The following TMEM132D variants were observed in gnomAD, a reference collection of about 807,000 sequenced individuals.
TMEM132D encodes transmembrane protein 132D.
In TMEM132D, 21 loss-of-function variants were observed where a neutral mutation model predicts 62.3. That is an observed-to-expected ratio of 0.34 (90% CI 0.24 to 0.49). TMEM132D has a LOEUF of 0.49. Among genes scored for constraint, TMEM132D ranks in the 20% least tolerant of loss-of-function variants. The pLI, the probability that TMEM132D is intolerant of heterozygous loss-of-function variation, is 0.99. For missense variants in TMEM132D, 1,346 were observed against 1,402.8 expected, an observed-to-expected ratio of 0.96 and a Z score of 0.65; for synonymous variants, 621 against 575.6, an observed-to-expected ratio of 1.08 and a Z score of -1.13.
chr12:129,843,248 A>G (rs980109813), intron 1 of TMEM132D, among the ~76,000 whole-genome samples: 1 of 152,240 alleles, frequency 6.6e-6, no homozygotes, highest in East Asian at 1.9e-4. Flanking sequence ...AAACATTTTA[A>G]TAAAAAAAGA....
intron 3 of TMEM132D, among the ~76,000 whole-genome samples, chr12:129,454,959 C>T (rs1186510780): frequency 6.6e-6 from 1 of 152,196 alleles, no homozygotes; most frequent in African/African-American, 2.4e-5. Context: ...TAACAGTCAA[C>T]CCGAAGAAAG....
At chr12:129,355,372 C>A (rs1177689178) in intron 3 of TMEM132D, among the ~76,000 whole-genome samples, 1 of 151,506 alleles carries the variant, frequency 6.6e-6, no homozygotes, top group Non-Finnish European at 1.5e-5. Flanking sequence ...ACTCTGCAAC[C>A]GCCTACGTGG....
chr12:129,834,205 ACCAGG>A (rs1555234764), intron 1 of TMEM132D, among the ~76,000 whole-genome samples: 3 of 27,584 alleles, frequency 1.1e-4, no homozygotes, highest in African/African-American at 2.2e-4. Flanking sequence ...CCTCCTTTCC[ACCAGG>A]CACTCGGATG....
chr12:129,567,260 A>G (rs1877391489), intron 2 of TMEM132D, among the ~76,000 whole-genome samples: 1 of 152,252 alleles, frequency 6.6e-6, no homozygotes, highest in Non-Finnish European at 1.5e-5. Context: ...AACATTTGGA[A>G]GTGCAACATC....
At chr12:129,639,617 T>C (rs183526138) in intron 2 of TMEM132D, among the ~76,000 whole-genome samples, 2 of 152,120 alleles carry the variant, frequency 1.3e-5, no homozygotes, top group African/African-American at 2.4e-5. Flanking sequence ...CTACAGACCA[T>C]GTCTACACAG....
intron 2 of TMEM132D, among the ~76,000 whole-genome samples, chr12:129,680,631 A>G (rs1880753635): frequency 6.6e-6 from 1 of 152,156 alleles, no homozygotes; most frequent in Admixed American, 6.5e-5. Flanking sequence ...AAACTGTTAT[A>G]CCCTCATAGC....
intron 2 of TMEM132D, among the ~76,000 whole-genome samples, chr12:129,637,925 A>G (rs557761282): frequency 1.3e-5 from 2 of 152,262 alleles, no homozygotes; most frequent in African/African-American, 4.8e-5. Context: ...TAAACCATTC[A>G]TGGAAAATCC....
chr12:129,751,364 G>A (rs1869995355), intron 1 of TMEM132D, among the ~76,000 whole-genome samples: 1 of 152,166 alleles, frequency 6.6e-6, no homozygotes, highest in East Asian at 1.9e-4. Context: ...TCGCTATTAA[G>A]AGAACAGCAA....
chr12:129,309,204 G>A (rs959466619), intron 4 of TMEM132D, among the ~76,000 whole-genome samples: 6 of 152,136 alleles, frequency 3.9e-5, no homozygotes, highest in African/African-American at 1.2e-4. Context: ...ACTCTTCTTA[G>A]GTCCTGTATT....
intron 2 of TMEM132D, among the ~76,000 whole-genome samples, chr12:129,638,566 C>CATATATAAATT (rs1555223115): frequency 9.1e-6 from 1 of 109,752 alleles, no homozygotes; most frequent in Non-Finnish European, 2.0e-5. Context: ...AATATATAAA[C>CATATATAAATT]ATATATAAAT....
intron 3 of TMEM132D, chr12:129,521,499 TATAGAAAATAA>T: frequency 6.6e-6 from 1 of 152,310 alleles, no homozygotes; most frequent in East Asian, 1.9e-4. Flanking sequence ...AGCAAGTTTA[TATAGAAAATAA>T]AAAGAAAATC....
chr12:129,581,219 G>A lies in TMEM132D; in HGVS notation c.969-50014C>T, dbSNP rs531680190. 2.3e-4 allele frequency among the ~76,000 whole-genome samples: 35 copies of A among 152,134 alleles called. No homozygotes were observed. In the South Asian group the frequency reaches 6.7e-3, roughly 29 times the overall value. Reference sequence around the variant, plus strand: ...GCACAGCCAGCTCTCCTTTTCCTTCGGCCATGAGTGAAAGCCACCTGAAGT... The same window carrying A: ...GCACAGCCAGCTCTCCTTTTCCTTCAGCCATGAGTGAAAGCCACCTGAAGT... On this transcript the variant is annotated intron_variant, in intron 2 of 8. Transcript: ENST00000422113.
chr12:129,800,634 C>CA (rs1444760967), intron 1 of TMEM132D, among the ~76,000 whole-genome samples: 1 of 152,188 alleles, frequency 6.6e-6, no homozygotes, highest in East Asian at 1.9e-4. Context: ...TCCCTCCGAG[C>CA]ACCTTTGCTC....
chr12:129,873,414 TAA>T (rs1328853860), intron 1 of TMEM132D, among the ~76,000 whole-genome samples: 1 of 152,122 alleles, frequency 6.6e-6, no homozygotes, highest in Admixed American at 6.5e-5. Context: ...TGAAGACAAT[TAA>T]AAGAGAACCA....
At chr12:129,454,121 G>A (rs1873387517) in intron 3 of TMEM132D, among the ~76,000 whole-genome samples, 1 of 152,162 alleles carries the variant, frequency 6.6e-6, no homozygotes, top group South Asian at 2.1e-4. Context: ...AATTCTTTGA[G>A]GTTAGCTTTT....
intron 1 of TMEM132D, among the ~76,000 whole-genome samples, chr12:129,839,508 CT>C (rs1873116356): frequency 6.6e-6 from 1 of 152,018 alleles, no homozygotes; most frequent in Admixed American, 6.6e-5. Context: ...GGTGATCCGC[CT>C]GCCTCAGCCT....
At chr12:129,270,444 T>C (rs566232746) in intron 4 of TMEM132D, among the ~76,000 whole-genome samples, 3 of 152,242 alleles carry the variant, frequency 2.0e-5, no homozygotes, top group Non-Finnish European at 4.4e-5. Context: ...TTATACAGGA[T>C]GGCATTAGTG....
At chr12:129,819,522 C>T (rs1053053724) in intron 1 of TMEM132D, among the ~76,000 whole-genome samples, 10 of 152,160 alleles carry the variant, frequency 6.6e-5, no homozygotes, top group Non-Finnish European at 1.2e-4. Context: ...GCATTCAGCA[C>T]AAAACTTGCT....
chr12:129,610,991 A>T (rs1415049106), intron 2 of TMEM132D, among the ~76,000 whole-genome samples: 1 of 152,204 alleles, frequency 6.6e-6, no homozygotes, highest in East Asian at 1.9e-4. Context: ...CATAATATTC[A>T]TCAATCCCCA....
Sources: gnomAD v4.1 joint callset for allele counts (sites outside exome capture counted in the v4.1 genomes callset) on GRCh38, gnomAD v4.1.1 for gene constraint, MANE v1.5 for transcripts, NCBI Gene and HGNC (gene_info 2026-07-23, HGNC 2026-07-21) for gene names.